Variants in BCKDHB observed in about 807,000 individuals in gnomAD.
BCKDHB encodes the protein branched chain keto acid dehydrogenase E1 subunit beta, also known as 2-oxoisovalerate dehydrogenase subunit beta, mitochondrial.
In BCKDHB, 41 loss-of-function variants were observed where a neutral mutation model predicts 48.5. The observed-to-expected ratio is 0.85, with a 90% CI of 0.66 to 1.10. The LOEUF (loss-of-function observed/expected upper bound fraction) is 1.10. Ranked by LOEUF, BCKDHB falls within the 50% of genes least tolerant of loss-of-function variation. The pLI is 0.00. For missense variants in BCKDHB, 496 were observed against 494.2 expected, an observed-to-expected ratio of 1.00 and a Z score of -0.03; for synonymous variants, 201 against 174.8, an observed-to-expected ratio of 1.15 and a Z score of -1.18.
chr6:80,433,902 T>A, the BCKDHB span, among the ~76,000 whole-genome samples: 1 of 152,140 alleles, frequency 6.6e-6, no homozygotes, highest in East Asian at 1.9e-4. Context: ...TATTTGGAAA[T>A]TTTTTTGGCC....
intron 9 of BCKDHB, among the ~76,000 whole-genome samples, chr6:80,308,305 A>G (rs946356099): frequency 5.3e-5 from 8 of 152,162 alleles, no homozygotes; most frequent in African/African-American, 1.9e-4. Flanking sequence ...TTTAATGGCC[A>G]TAAGGTATTC....
At chr6:80,294,518 G>A (rs190237531) in intron 9 of BCKDHB, among the ~76,000 whole-genome samples, 34 of 152,302 alleles carry the variant, frequency 2.2e-4, no homozygotes, top group Non-Finnish European at 2.4e-4. Context: ...CCTATAAACC[G>A]ATGTGCAAGT....
chr6:80,457,533 A>G, the BCKDHB span, among the ~76,000 whole-genome samples: 1 of 152,046 alleles, frequency 6.6e-6, no homozygotes, highest in African/African-American at 2.4e-5. Context: ...TTCAGAGCAC[A>G]TTTTCCCTTC....
At chr6:80,137,939 A>T (rs1770974146) in intron 3 of BCKDHB, among the ~76,000 whole-genome samples, 1 of 152,016 alleles carries the variant, frequency 6.6e-6, no homozygotes, top group Non-Finnish European at 1.5e-5. Context: ...ATTAAAAAAA[A>T]AAAATAGCTG....
At chr6:80,174,283 G>A (rs1773050248) in intron 6 of BCKDHB, among the ~76,000 whole-genome samples, 1 of 152,078 alleles carries the variant, frequency 6.6e-6, no homozygotes, top group South Asian at 2.1e-4. Context: ...TATAAATACT[G>A]GCTGACATTT....
intron 6 of BCKDHB, among the ~76,000 whole-genome samples, chr6:80,198,491 A>T (rs1227781409): frequency 2.0e-5 from 3 of 152,214 alleles, no homozygotes; most frequent in African/African-American, 7.2e-5. Context: ...TTAAGCTCTC[A>T]CTGACACTGA....
At chr6:80,139,331 T>G (rs553342816) in intron 3 of BCKDHB, among the ~76,000 whole-genome samples, 7,002 of 151,654 alleles carry the variant, frequency 0.046, 551 homozygotes, top group African/African-American at 0.16. Context: ...GTCAATTTTG[T>G]CTTTTGTTGC....
chr6:80,183,769 C>T (rs1037913292), intron 6 of BCKDHB, among the ~76,000 whole-genome samples: 5 of 152,142 alleles, frequency 3.3e-5, no homozygotes, highest in African/African-American at 9.7e-5. Flanking sequence ...CAACCCCTGG[C>T]AAACACTGAT....
intron 9 of BCKDHB, among the ~76,000 whole-genome samples, chr6:80,318,343 C>T (rs1348640840): frequency 1.3e-5 from 2 of 152,034 alleles, no homozygotes; most frequent in East Asian, 3.9e-4. Context: ...AGTTGGTCCT[C>T]TGTATGTATC....
At chr6:80,360,601 A>T in the BCKDHB span, among the ~76,000 whole-genome samples, 1 of 152,202 alleles carries the variant, frequency 6.6e-6, no homozygotes, top group Non-Finnish European at 1.5e-5. Context: ...TTATTAGAAG[A>T]AATCGACTGG....
At chr6:80,305,302 A>T (rs1767804951) in intron 9 of BCKDHB, among the ~76,000 whole-genome samples, 2 of 152,112 alleles carry the variant, frequency 1.3e-5, no homozygotes, top group South Asian at 4.1e-4. Flanking sequence ...AATAATTAAC[A>T]TTTTTTAAAA....
chr6:80,320,271 A>G (rs1358742562), intron 9 of BCKDHB, among the ~76,000 whole-genome samples: 1 of 152,202 alleles, frequency 6.6e-6, no homozygotes, highest in East Asian at 1.9e-4. Flanking sequence ...TGTTCCACAG[A>G]CGCAACAGGT....
chr6:80,222,725 AGATTG>A (rs1582389459), intron 8 of BCKDHB, among the ~76,000 whole-genome samples: 1 of 152,118 alleles, frequency 6.6e-6, no homozygotes, highest in East Asian at 1.9e-4. Context: ...TCTCTCTAAG[AGATTG>A]GGTTTCTTGG....
At chr6:80,230,287 C>G (rs912775282) in intron 8 of BCKDHB, among the ~76,000 whole-genome samples, 20 of 151,712 alleles carry the variant, frequency 1.3e-4, no homozygotes, top group Non-Finnish European at 7.4e-5. Context: ...ATCCGCCCGC[C>G]TCGGCCTCCC....
intron 1 of BCKDHB, among the ~76,000 whole-genome samples, chr6:80,120,169 T>C (rs9448887): frequency 0.37 from 56,027 of 152,054 alleles, 12,357 homozygotes; most frequent in Admixed American, 0.56. Flanking sequence ...GCTTCATCCA[T>C]GTCCCTGCAA....
chr6:80,167,898 C>A, intron 4 of BCKDHB, 87 bp downstream of exon 4: 1 of 1,321,200 alleles, frequency 7.6e-7, no homozygotes, highest in South Asian at 1.2e-5. Context: ...TACCTGCATT[C>A]TAAACATTTT....
chr6:80,412,698 G>T, the BCKDHB span, among the ~76,000 whole-genome samples: 2 of 151,892 alleles, frequency 1.3e-5, no homozygotes, highest in Non-Finnish European at 2.9e-5. Flanking sequence ...ATATTGTTTT[G>T]TATGGCAGGC....
chr6:80,342,257 TA>T, intron 9 of BCKDHB, among the ~76,000 whole-genome samples: 1 of 151,870 alleles, frequency 6.6e-6, no homozygotes, highest in African/African-American at 2.4e-5. Flanking sequence ...GTATAATATG[TA>T]AAAAAAACTG....
At chr6:80,149,520 A>G (rs7745545) in intron 3 of BCKDHB, among the ~76,000 whole-genome samples, 102,892 of 151,186 alleles carry the variant, frequency 0.68, 35,855 homozygotes, top group African/African-American at 0.83. Flanking sequence ...ACATGCACAC[A>G]TATGTTTATT....
Sources: gnomAD v4.1 joint callset for allele counts (sites outside exome capture counted in the v4.1 genomes callset) on GRCh38, gnomAD v4.1.1 for gene constraint, MANE v1.5 for transcripts, NCBI Gene and HGNC (gene_info 2026-07-23, HGNC 2026-07-21) for gene names.